Variants in USP32 observed in about 807,000 individuals in gnomAD.
USP32 encodes the protein ubiquitin carboxyl-terminal hydrolase 32.
USP32 carries 59 observed loss-of-function variants against 204.8 expected under a neutral mutation model. The observed-to-expected ratio is 0.29, with a 90% confidence interval of 0.23 to 0.36. The LOEUF (loss-of-function observed/expected upper bound fraction) is 0.36. USP32 is among the 10% of genes least tolerant of loss of function. The pLI is 1.00. For missense variants in USP32, 1,160 were observed against 1,946.4 expected (o/e 0.60, Z 7.60); for synonymous variants, 517 against 678.4 (o/e 0.76, Z 3.70).
intron 1 of USP32, among the ~76,000 whole-genome samples, chr17:60,410,720 A>C (rs796624383): frequency 2.6e-5 from 4 of 152,186 alleles, no homozygotes; most frequent in African/African-American, 9.6e-5. Context: ...AACAAAAACA[A>C]ATGCAGTCTA....
At chr17:60,403,483 C>A (rs2143028238) in intron 1 of USP32, among the ~76,000 whole-genome samples, 1 of 152,200 alleles carries the variant, frequency 6.6e-6, no homozygotes, top group Admixed American at 6.5e-5. Flanking sequence ...CAGATTCCTC[C>A]CATTTGTAAG....
chr17:60,382,712 T>C (rs1401768771), intron 1 of USP32, among the ~76,000 whole-genome samples: 1 of 152,168 alleles, frequency 6.6e-6, no homozygotes, highest in Non-Finnish European at 1.5e-5. Flanking sequence ...TATATGGCAG[T>C]AGGATAATAC....
chr17:60,392,242 C>A, upstream of USP32: 1 of 454,738 alleles, frequency 2.2e-6, no homozygotes, highest in Admixed American at 4.3e-5. Context: ...TCCGCCCCCT[C>A]CCGCCAGCTC....
chr17:60,266,025 A>G lies in USP32; in HGVS notation c.878T>C (p.Val293Ala). ...CTTCCAGACTTCTAAAAGTGCAACC[A>G]CCATGTCTCTCAGTTCAACCCTGGA... The part of the protein sequence containing the change: ...VLSRVELRDM[V>A]VALLEVWKDN... Residue 293 changes from valine (V) to alanine (A), a missense_variant, in exon 8 of 34, where the codon GTG becomes GCG. This residue lies in a region of USP32 where 536 missense variants were observed against 680.9 expected (regional missense o/e 0.79). Coordinates refer to ENST00000300896, the MANE Select transcript of USP32 (RefSeq NM_032582.4). 1 of 1,614,124 alleles carries G rather than the reference A, an allele frequency of 6.2e-7. No homozygotes were observed. Among genetic ancestry groups the G allele is most frequent in the Non-Finnish European group, 8.5e-7 (1 of 1,179,980 alleles).
intron 13 of USP32, among the ~76,000 whole-genome samples, 154 bp downstream of exon 13, chr17:60,225,885 T>C (rs927713524): frequency 1.4e-5 from 2 of 146,106 alleles, no homozygotes; most frequent in African/African-American, 2.5e-5. Context: ...ACCCAGAAGG[T>C]GGAGGTTGCA....
Position 60,255,233 on chromosome 17 carries a change from T to C in USP32, c.1016A>G (p.Tyr339Cys), listed in dbSNP as rs1490375437. The change falls in exon 10 of 34, where the codon TAT becomes TGT. Residue 339 changes from tyrosine (Y) to cysteine (C), a missense_variant. Around this residue, in one of 8 missense-constraint regions of USP32, gnomAD observed 536 missense variants for 680.9 expected, o/e 0.79. Coordinates refer to ENST00000300896, the MANE Select transcript of USP32 (RefSeq NM_032582.4). ...TKMGHLTLED[Y>C]QIWSVKNVLA... ...AACATTTTTCACACTCCAGATCTGA[T>C]AGTCTTCCAGAGTAAGATGACCCAT... 3.7e-6 allele frequency: 6 copies of C among 1,612,086 alleles called. No individual in the cohort carries two copies. Among genetic ancestry groups the C allele is most frequent in the Admixed American group, 1.7e-5 (1 of 59,648 alleles).
chr17:60,412,473 T>C (rs546024542), intron 1 of USP32, among the ~76,000 whole-genome samples: 1 of 151,710 alleles, frequency 6.6e-6, no homozygotes, highest in East Asian at 1.9e-4. Flanking sequence ...AGGTCAAGGC[T>C]TCAGTGAGCT....
intron 1 of USP32, among the ~76,000 whole-genome samples, chr17:60,356,992 C>G (rs1309269768): frequency 6.6e-6 from 1 of 152,072 alleles, no homozygotes; most frequent in Non-Finnish European, 1.5e-5. Context: ...AAAAAGAAAC[C>G]AATTAGCAAT....
chr17:60,393,841 T>A (rs1337822890), upstream of USP32, among the ~76,000 whole-genome samples: 1 of 152,180 alleles, frequency 6.6e-6, no homozygotes, highest in East Asian at 1.9e-4. Context: ...TGCGCCACCA[T>A]GCCTGGCTAA....
intron 11 of USP32, among the ~76,000 whole-genome samples, chr17:60,251,885 G>A (rs2086178434): frequency 6.6e-6 from 1 of 151,870 alleles, no homozygotes. Flanking sequence ...ATATATTAAA[G>A]TATTATTTTA....
intron 5 of USP32, among the ~76,000 whole-genome samples, chr17:60,286,746 A>G (rs536088947): frequency 6.6e-6 from 1 of 152,214 alleles, no homozygotes; most frequent in Admixed American, 6.5e-5. Context: ...CTGAGTTGTC[A>G]TTCAGAAGCA....
At chr17:60,333,883 G>A (rs1024239388) in intron 2 of USP32, among the ~76,000 whole-genome samples, 6 of 152,194 alleles carry the variant, frequency 3.9e-5, no homozygotes, top group South Asian at 4.1e-4. Context: ...TCTACTTTAC[G>A]TATCAAACAA....
At chr17:60,412,640 C>T (rs1484180833) in intron 1 of USP32, among the ~76,000 whole-genome samples, 1 of 151,940 alleles carries the variant, frequency 6.6e-6, no homozygotes, top group Non-Finnish European at 1.5e-5. Context: ...AATATTAGTC[C>T]CCAGTCTCAC....
rs754972613 is a variant in USP32 at position 60,288,705 on chromosome 17, T to C, written c.412-23A>G. The stretch of plus-strand genomic sequence containing the variant: ...ACCCTAAAATTAAAACAAGAAAACA[T>C]AAGTTTAGTCAAATTTTAAGGTATC... On this transcript the variant is annotated intron_variant, in intron 4 of 33. Coordinates refer to ENST00000300896, the MANE Select transcript of USP32 (RefSeq NM_032582.4). 11 of 1,585,700 alleles carry C rather than the reference T, an allele frequency of 6.9e-6. No homozygotes were observed. In the South Asian group the frequency reaches 1.0e-4, roughly 15 times the overall value.
intron 2 of USP32, among the ~76,000 whole-genome samples, chr17:60,332,476 C>T (rs1366867490): frequency 4.0e-5 from 6 of 150,572 alleles, no homozygotes; most frequent in African/African-American, 1.2e-4. Flanking sequence ...AGTGAAACCA[C>T]GACTCTACTA....
intron 3 of USP32, among the ~76,000 whole-genome samples, chr17:60,295,889 G>T (rs1219785178): frequency 1.3e-5 from 2 of 152,098 alleles, no homozygotes; most frequent in Non-Finnish European, 2.9e-5. Flanking sequence ...CACTGGGAGG[G>T]TCTTGGAACA....
intron 11 of USP32, among the ~76,000 whole-genome samples, chr17:60,240,163 A>G (rs1234397130): frequency 6.6e-6 from 1 of 152,254 alleles, no homozygotes; most frequent in Non-Finnish European, 1.5e-5. Context: ...GAGAATTTCT[A>G]TTAATTTCCT....
At chr17:60,244,068 C>T (rs1237953852) in intron 11 of USP32, among the ~76,000 whole-genome samples, 1 of 114,368 alleles carries the variant, frequency 8.7e-6, no homozygotes, top group Non-Finnish European at 1.6e-5. Flanking sequence ...TGGAGTCTAG[C>T]TCTGTCACCC....
chr17:60,246,504 A>G (rs1177860952), intron 11 of USP32, among the ~76,000 whole-genome samples: 1 of 152,106 alleles, frequency 6.6e-6, no homozygotes, highest in African/African-American at 2.4e-5. Context: ...CAATAAACAC[A>G]GGGGTGTAGA....
Sources: gnomAD v4.1 joint callset for allele counts (sites outside exome capture counted in the v4.1 genomes callset) on GRCh38, gnomAD v4.1.1 for gene constraint, gnomAD v4.1.1 regional missense constraint, MANE v1.5 for transcripts, NCBI Gene and HGNC (gene_info 2026-07-23, HGNC 2026-07-21) for gene names.